Variants in GXYLT2 observed in about 807,000 individuals in gnomAD.
The protein encoded by GXYLT2 is glycosyltransferase 8 domain containing 4.
Under a neutral mutation model 45.8 loss-of-function variants are expected in GXYLT2, and 53 were observed. The ratio of observed to expected loss-of-function variants is 1.16; its 90% CI spans 0.93 to 1.46. The LOEUF (loss-of-function observed/expected upper bound fraction) is 1.46, where lower values mean the gene tolerates loss of function less well. Ranked by LOEUF, GXYLT2 falls within the 40% of genes most tolerant of loss-of-function variation. The pLI is 0.00. For synonymous variants in GXYLT2, 219 were observed against 214.2 expected (o/e 1.02, Z -0.19); for missense variants, 551 against 544.4 (o/e 1.01, Z -0.12).
At chr3:72,936,669 A>C (rs991447634) in intron 3 of GXYLT2, among the ~76,000 whole-genome samples, 1 of 152,134 alleles carries the variant, frequency 6.6e-6, no homozygotes, top group African/African-American at 2.4e-5. Flanking sequence ...AAAACAACAA[A>C]AAAAAACCGA....
At chr3:72,935,422 G>T (rs931986973) in intron 3 of GXYLT2, among the ~76,000 whole-genome samples, 2 of 152,116 alleles carry the variant, frequency 1.3e-5, no homozygotes, top group Non-Finnish European at 2.9e-5. Flanking sequence ...AAAAATCAAC[G>T]CACAGGATAG....
intron 5 of GXYLT2, among the ~76,000 whole-genome samples, chr3:72,958,921 G>A (rs1244282472): frequency 1.3e-5 from 2 of 148,754 alleles, no homozygotes; most frequent in Non-Finnish European, 1.5e-5. Context: ...CATCAGCCAC[G>A]GTGCCCAGGT....
At chr3:72,910,329 G>A (rs1258767149) in intron 2 of GXYLT2, among the ~76,000 whole-genome samples, 1 of 152,058 alleles carries the variant, frequency 6.6e-6, no homozygotes, top group African/African-American at 2.4e-5. Flanking sequence ...CCCTTCCATG[G>A]AATTAATCGA....
rs1224047653 is a variant in GXYLT2, at chr3:72,888,394, G to C, written c.161G>C (p.Trp54Ser). ...QRHPAPVPAR[W>S]PGPGALPGAS... Reference sequence around the variant, plus strand: ...CACCCCGCGCCTGTCCCCGCGCGCTGGCCGGGGCCGGGCGCCCTCCCCGGG... The same window carrying C: ...CACCCCGCGCCTGTCCCCGCGCGCTCGCCGGGGCCGGGCGCCCTCCCCGGG... Residue 54 changes from tryptophan (W) to serine (S), a missense_variant, in exon 1 of 7, where the codon TGG (tryptophan) becomes TCG (serine). Trp to Ser is a radical substitution (Grantham distance 177). Coordinates refer to ENST00000389617, the MANE Select transcript of GXYLT2 (RefSeq NM_001080393.2). 1.0e-6 allele frequency: 1 copy of C among 996,296 alleles called. No homozygotes were observed. Among genetic ancestry groups the C allele is most frequent in the Admixed American group, 6.1e-5 (1 of 16,344 alleles). 61.7% of individuals were successfully genotyped at this position (996,296 alleles called of 1,614,324 possible).
At chr3:72,891,999 C>G (rs991535547) in intron 1 of GXYLT2, among the ~76,000 whole-genome samples, 15 of 152,226 alleles carry the variant, frequency 9.9e-5, no homozygotes, top group Admixed American at 1.3e-4. Flanking sequence ...GAAAACTCCT[C>G]CTTGAGCCTA....
intron 5 of GXYLT2, among the ~76,000 whole-genome samples, chr3:72,961,799 A>G (rs1448694870): frequency 6.6e-6 from 1 of 152,162 alleles, no homozygotes; most frequent in Non-Finnish European, 1.5e-5. Flanking sequence ...ACGTGACCAC[A>G]TAGGTCTGCT....
intron 2 of GXYLT2, among the ~76,000 whole-genome samples, chr3:72,914,968 A>G (rs183823759): frequency 6.6e-6 from 1 of 152,158 alleles, no homozygotes; most frequent in East Asian, 1.9e-4. Flanking sequence ...GGCTAAGGCC[A>G]GGAGTTTGAG....
At chr3:72,891,794 T>G (rs553240808) in intron 1 of GXYLT2, among the ~76,000 whole-genome samples, 1 of 152,298 alleles carries the variant, frequency 6.6e-6, no homozygotes, top group South Asian at 2.1e-4. Context: ...ACAGTACCTT[T>G]GTTAGTAGGA....
chr3:72,964,897 T>G (rs959301425), intron 5 of GXYLT2, among the ~76,000 whole-genome samples: 5 of 152,214 alleles, frequency 3.3e-5, no homozygotes, highest in African/African-American at 9.6e-5. Context: ...TATGACCCAT[T>G]GGGTGACAAA....
intron 5 of GXYLT2, among the ~76,000 whole-genome samples, chr3:72,962,954 TA>T (rs11448704): frequency 2.3e-4 from 24 of 103,890 alleles, no homozygotes; most frequent in Non-Finnish European, 2.3e-4. Context: ...GATGGGACAT[TA>T]AAAAAAAAAA....
chr3:72,935,900 A>G (rs1449952200), intron 3 of GXYLT2, among the ~76,000 whole-genome samples: 1 of 152,164 alleles, frequency 6.6e-6, no homozygotes, highest in Non-Finnish European at 1.5e-5. Context: ...AAATATGAAG[A>G]TGTGAGATCC....
chr3:72,907,010 G>T (rs1208799708), intron 1 of GXYLT2, among the ~76,000 whole-genome samples: 1 of 152,150 alleles, frequency 6.6e-6, no homozygotes, highest in Non-Finnish European at 1.5e-5. Context: ...ATAGGCTGGG[G>T]GTTAAAGATA....
intron 3 of GXYLT2, among the ~76,000 whole-genome samples, chr3:72,929,785 T>A (rs535636189): frequency 6.6e-6 from 1 of 152,114 alleles, no homozygotes; most frequent in South Asian, 2.1e-4. Flanking sequence ...ATTAGACATA[T>A]AGAAAACAAA....
rs529548063 is a variant in GXYLT2 at position 72,929,278 on chromosome 3, C to G, written c.600+6943C>G. ...TGACGTTGCAGAACCAACGAGGTGG[C>G]CGAATCTTCCTTCAGGATATCAAGA... On this transcript the variant is annotated intron_variant, in intron 3 of 6. Transcript: ENST00000389617. 5.8e-5 allele frequency: 78 copies of G among 1,348,942 alleles called. No homozygotes were observed. In the African/African-American group the frequency reaches 6.4e-4, roughly 11 times the overall value. 83.6% of individuals were successfully genotyped at this position (1,348,942 alleles called of 1,614,324 possible).
intron 1 of GXYLT2, among the ~76,000 whole-genome samples, chr3:72,900,545 G>T (rs1328923438): frequency 6.6e-6 from 1 of 151,972 alleles, no homozygotes; most frequent in Non-Finnish European, 1.5e-5. Context: ...CTTCCAAGTA[G>T]CTGGGATTAC....
At chr3:72,898,674 G>C (rs987049581) in intron 1 of GXYLT2, among the ~76,000 whole-genome samples, 1 of 152,192 alleles carries the variant, frequency 6.6e-6, no homozygotes, top group African/African-American at 2.4e-5. Flanking sequence ...CTGAAATCCA[G>C]TCCATGCCAG....
intron 3 of GXYLT2, among the ~76,000 whole-genome samples, chr3:72,944,357 T>C (rs1710362664): frequency 1.3e-5 from 2 of 151,296 alleles, no homozygotes; most frequent in Admixed American, 6.6e-5. Context: ...CAGGTTCAAG[T>C]GATTCTCCTG....
chr3:72,916,286 T>G (rs578202396), intron 2 of GXYLT2, among the ~76,000 whole-genome samples: 47 of 148,254 alleles, frequency 3.2e-4, no homozygotes, highest in Admixed American at 5.5e-4. Flanking sequence ...AGTCTGAAGA[T>G]GTAGCAGGAG....
At chr3:72,907,765 C>T (rs1321912706) in intron 1 of GXYLT2, among the ~76,000 whole-genome samples, 4 of 152,106 alleles carry the variant, frequency 2.6e-5, no homozygotes, top group South Asian at 2.1e-4. Context: ...CCAGTATTGG[C>T]GAGACGGTCA....
Sources: gnomAD v4.1 joint callset for allele counts (sites outside exome capture counted in the v4.1 genomes callset) on GRCh38, gnomAD v4.1.1 for gene constraint, MANE v1.5 for transcripts, NCBI Gene and HGNC (gene_info 2026-07-23, HGNC 2026-07-21) for gene names.